Variants in NRG1 observed in about 807,000 individuals in gnomAD.
The protein encoded by NRG1 is neuregulin 1, also known as pro-neuregulin-1, membrane-bound isoform.
Under a neutral mutation model 63.8 loss-of-function variants are expected in NRG1, and 18 were observed. The ratio of observed to expected loss-of-function variants is 0.28; its 90% CI spans 0.19 to 0.42. The LOEUF (loss-of-function observed/expected upper bound fraction) is 0.42, where lower values mean the gene tolerates loss of function less well. Among genes scored for constraint, NRG1 ranks in the 10% least tolerant of loss-of-function variants. The pLI is 1.00. For missense variants in NRG1, 762 were observed against 814.7 expected (o/e 0.94, Z 0.79); for synonymous variants, 302 against 301.3 (o/e 1.00, Z -0.02).
Position 32,123,918 on chromosome 8 carries a change from T to C in NRG1, c.38-471910T>C, listed in dbSNP as rs76806829. Among the ~76,000 whole-genome samples the C allele has an allele frequency of 9.4e-3, 1,436 of 152,000 alleles. 21 individuals are homozygous for C. The highest frequency in any genetic ancestry group is 0.031 in the African/African-American group (1,275 of 41,534). ...TGAACTCAAGGGGGAAGTTTGACTA[T>C]TGGCTGGCAAAATAAAGTAGTGGAA... On this transcript the variant is annotated intron_variant, in intron 1 of 10. Transcript: ENST00000519301.
intron 1 of NRG1, among the ~76,000 whole-genome samples, chr8:31,697,805 G>A (rs996230729): frequency 3.9e-5 from 6 of 152,016 alleles, no homozygotes; most frequent in Non-Finnish European, 5.9e-5. Flanking sequence ...AAACATTGCT[G>A]TAAAGTACTG....
At chr8:32,043,574 T>A (rs7838838) in intron 1 of NRG1, among the ~76,000 whole-genome samples, 12,739 of 151,870 alleles carry the variant, frequency 0.084, 1,729 homozygotes, top group African/African-American at 0.29. Context: ...TTTAAAACAC[T>A]TGAGAGTCAA....
At chr8:32,401,999 C>A (rs1372190655) in intron 1 of NRG1, among the ~76,000 whole-genome samples, 1 of 152,112 alleles carries the variant, frequency 6.6e-6, no homozygotes, top group East Asian at 1.9e-4. Flanking sequence ...CAACCTCTGC[C>A]TCCTTGGTTC....
intron 1 of NRG1, among the ~76,000 whole-genome samples, chr8:32,314,561 T>C (rs1857170643): frequency 6.6e-6 from 1 of 152,028 alleles, no homozygotes. Flanking sequence ...GCACAATTTC[T>C]CCTTGCATGT....
At chr8:31,936,347 G>T (rs1008741242) in intron 1 of NRG1, among the ~76,000 whole-genome samples, 3 of 152,124 alleles carry the variant, frequency 2.0e-5, no homozygotes, top group South Asian at 2.1e-4. Flanking sequence ...TGATGATTTC[G>T]CAGTTAGGGG....
At chr8:32,221,753 G>A (rs779098989) in intron 1 of NRG1, among the ~76,000 whole-genome samples, 1 of 151,912 alleles carries the variant, frequency 6.6e-6, no homozygotes. Flanking sequence ...ACTAAATGTC[G>A]AGCCCGTGAA....
intron 1 of NRG1, among the ~76,000 whole-genome samples, chr8:31,679,242 C>T (rs1212627601): frequency 4.6e-5 from 7 of 152,052 alleles, no homozygotes; most frequent in African/African-American, 1.7e-4. Context: ...TATTTGTAAA[C>T]ATCTAGACAC....
intron 1 of NRG1, among the ~76,000 whole-genome samples, chr8:31,995,832 C>G (rs1425734937): frequency 6.6e-6 from 1 of 151,936 alleles, no homozygotes; most frequent in East Asian, 1.9e-4. Flanking sequence ...CAAATTCACC[C>G]TGTCTTTTCA....
rs1823350158 is a variant in NRG1, at chr8:32,058,596, A to G, written c.37+419165A>G. On this transcript the variant is annotated intron_variant, in intron 1 of 10. Coordinates refer to the NRG1 transcript ENST00000519301. ...TTATTTTTTTATTTTTTTACTGGCT[A>G]TTTTAGACTTTCTGGTAGAGCACTC... Among the ~76,000 whole-genome samples the G allele has an allele frequency of 2.0e-5, 3 of 151,702 alleles. No individual in the cohort carries two copies. The East Asian group carries it at 5.8e-4, about 29-fold the overall frequency.
At chr8:31,716,069 CAGT>C (rs1377757238) in intron 1 of NRG1, among the ~76,000 whole-genome samples, 1 of 152,026 alleles carries the variant, frequency 6.6e-6, no homozygotes, top group African/African-American at 2.4e-5. Context: ...ATAATACTTC[CAGT>C]TAGATTTTCA....
At chr8:31,767,147 C>A (rs1459936934) in intron 1 of NRG1, among the ~76,000 whole-genome samples, 1 of 152,140 alleles carries the variant, frequency 6.6e-6, no homozygotes, top group Non-Finnish European at 1.5e-5. Flanking sequence ...TTCTTCATGA[C>A]CGCCATTGTG....
chr8:32,601,837 C>A (rs892091227), intron 2 of NRG1, among the ~76,000 whole-genome samples: 1 of 151,474 alleles, frequency 6.6e-6, no homozygotes, highest in Admixed American at 6.6e-5. Context: ...TTGATTGATG[C>A]TCTGCTTTAA....
chr8:31,712,520 G>A (rs572660802), intron 1 of NRG1, among the ~76,000 whole-genome samples: 18 of 151,950 alleles, frequency 1.2e-4, no homozygotes, highest in South Asian at 6.2e-4. Context: ...CACCTGCCTC[G>A]GCCTCCCAAA....
intron 1 of NRG1, among the ~76,000 whole-genome samples, chr8:31,957,544 A>G (rs998015062): frequency 2.6e-5 from 4 of 152,228 alleles, no homozygotes; most frequent in African/African-American, 9.6e-5. Flanking sequence ...TTAACTTTCT[A>G]GTACCCACAT....
At chr8:32,174,388 T>A (rs565065718) in intron 1 of NRG1, among the ~76,000 whole-genome samples, 43 of 151,458 alleles carry the variant, frequency 2.8e-4, no homozygotes, top group Middle Eastern at 3.4e-3. Context: ...GCAGGAAAGA[T>A]CTAAAATGGA....
Position 31,803,277 on chromosome 8 carries a change from G to A in NRG1, c.37+163846G>A, listed in dbSNP as rs1017225774. On this transcript the variant is annotated intron_variant, in intron 1 of 10. Transcript: ENST00000519301. Reference sequence around the variant, plus strand: ...TTTCCAGAGATTCATGAGATGTCAGGGCTAGGCAAGACTTTAGAATTCTAT... The same window carrying A: ...TTTCCAGAGATTCATGAGATGTCAGAGCTAGGCAAGACTTTAGAATTCTAT... Among the ~76,000 whole-genome samples, 11 of 152,258 alleles carry A rather than the reference G, an allele frequency of 7.2e-5. No homozygotes were observed. The East Asian group carries it at 1.3e-3, about 19-fold the overall frequency.
chr8:32,721,883 A>G (rs1305943145), intron 5 of NRG1: 2 of 1,433,364 alleles, frequency 1.4e-6, no homozygotes, highest in Non-Finnish European at 1.8e-6. Context: ...GAACCACCTA[A>G]GCATTTTTTT....
chr8:31,944,597 G>A (rs1802252992), intron 1 of NRG1, among the ~76,000 whole-genome samples: 1 of 152,096 alleles, frequency 6.6e-6, no homozygotes, highest in Admixed American at 6.5e-5. Flanking sequence ...TTATACTAGA[G>A]CATAATAAAA....
At position 31,940,086 on chromosome 8, in the gene NRG1, C is replaced by T. The variant is rs1801528551; in HGVS notation, c.37+300655C>T. 2.0e-5 allele frequency among the ~76,000 whole-genome samples: 3 copies of T among 152,116 alleles called. No homozygotes were observed. In the South Asian group the frequency reaches 6.2e-4, roughly 32 times the overall value. On this transcript the variant is annotated intron_variant, in intron 1 of 10. Transcript: ENST00000519301. ...ATTTATAGAACATTCTACCCAACAA[C>T]TGCAGAGTATACATTCTACTCATCA...
Sources: allele counts gnomAD v4.1 joint callset (sites outside exome capture counted in the v4.1 genomes callset), GRCh38; gene constraint gnomAD v4.1.1; transcripts MANE v1.5; gene names NCBI Gene and HGNC (gene_info 2026-07-23, HGNC 2026-07-21).